ARFIP1: variants seen among roughly 807,000 people sequenced by gnomAD.
ARFIP1 encodes the protein arfaptin-1.
ARFIP1 carries 24 observed loss-of-function variants against 42.5 expected under a neutral mutation model. The observed-to-expected ratio is 0.57, with a 90% confidence interval of 0.41 to 0.80. ARFIP1 has a LOEUF of 0.80. Ranked by LOEUF, ARFIP1 falls within the 30% of genes least tolerant of loss-of-function variation. The pLI, the probability that ARFIP1 is intolerant of heterozygous loss-of-function variation, is 0.00. For missense variants in ARFIP1, 354 were observed against 434.0 expected (o/e 0.82, Z 1.64); for synonymous variants, 141 against 153.7 (o/e 0.92, Z 0.61).
rs139316512 is a variant in ARFIP1 at position 152,818,683 on chromosome 4, G to A, written c.-9-10942G>A. Among the ~76,000 whole-genome samples, 6 of 152,254 alleles carry A rather than the reference G, an allele frequency of 3.9e-5. No individual in the cohort carries two copies. In the East Asian group the frequency reaches 1.2e-3, roughly 29 times the overall value. On this transcript the variant is annotated intron_variant, in intron 1 of 8. Transcript: ENST00000353617. The stretch of plus-strand genomic sequence containing the variant: ...CCACAGACTGGGAATGGTGTTTCTC[G>A]GAAACTGTGATTTCTGTGTCTCTGA...
At chr4:152,780,664 C>T (rs1440092848) in intron 1 of ARFIP1, among the ~76,000 whole-genome samples, 1 of 152,178 alleles carries the variant, frequency 6.6e-6, no homozygotes, top group African/African-American at 2.4e-5. Context: ...GACAGTCCCT[C>T]TGAGAGATTC....
At chr4:152,871,618 T>C (rs921259685) in intron 4 of ARFIP1, among the ~76,000 whole-genome samples, 5 of 152,094 alleles carry the variant, frequency 3.3e-5, no homozygotes, top group Non-Finnish European at 7.4e-5. Context: ...TACTGGGGGC[T>C]GATCCTAATT....
chr4:152,862,227 C>T (rs1733951462), intron 2 of ARFIP1, among the ~76,000 whole-genome samples: 1 of 152,158 alleles, frequency 6.6e-6, no homozygotes, highest in Admixed American at 6.6e-5. Context: ...AAGATGAACC[C>T]TTCCTAACCC....
At chr4:152,819,182 C>T (rs548992394) in intron 1 of ARFIP1, among the ~76,000 whole-genome samples, 73 of 152,260 alleles carry the variant, frequency 4.8e-4, no homozygotes, top group South Asian at 1.0e-3. Flanking sequence ...GTTGCAAGTG[C>T]TACCTCCTGG....
chr4:152,890,422 A>G (rs1736748159), intron 8 of ARFIP1, among the ~76,000 whole-genome samples: 1 of 152,208 alleles, frequency 6.6e-6, no homozygotes, highest in East Asian at 1.9e-4. Context: ...AAGAATTTTT[A>G]AAGTTGAGAG....
chr4:152,798,475 T>C (rs10018639), intron 1 of ARFIP1, among the ~76,000 whole-genome samples: 146,611 of 152,312 alleles, frequency 0.96, 70,614 homozygotes, highest in Non-Finnish European at 0.98. Flanking sequence ...CACTCCATCT[T>C]AGTGGTATGG....
chr4:152,788,130 G>A (rs988181219), intron 1 of ARFIP1, among the ~76,000 whole-genome samples: 1 of 152,188 alleles, frequency 6.6e-6, no homozygotes, highest in Non-Finnish European at 1.5e-5. Context: ...CTACTTGGGA[G>A]GTTGAGGTGG....
chr4:152,888,437 G>A, intron 8 of ARFIP1, 130 bp downstream of exon 8: 1 of 657,530 alleles, frequency 1.5e-6, no homozygotes, highest in Non-Finnish European at 2.4e-6. Context: ...TGTAATCAGT[G>A]TTTGAGTTTT....
At chr4:152,815,785 C>T (rs1379113244) in intron 1 of ARFIP1, among the ~76,000 whole-genome samples, 2 of 147,144 alleles carry the variant, frequency 1.4e-5, no homozygotes, top group Admixed American at 6.8e-5. Context: ...CGCTCTGTCG[C>T]CCAGGCTGGA....
intron 5 of ARFIP1, among the ~76,000 whole-genome samples, chr4:152,878,829 T>C (rs776232881): frequency 6.6e-6 from 1 of 152,226 alleles, no homozygotes; most frequent in Non-Finnish European, 1.5e-5. Context: ...TCTGACTTAA[T>C]GGATTATTAT....
At chr4:152,883,319 A>G (rs1735996835) in intron 7 of ARFIP1, 1 of 160,624 alleles carries the variant, frequency 6.2e-6, no homozygotes, top group Non-Finnish European at 1.3e-5. Flanking sequence ...TCTACCAGGT[A>G]GGTATTACAT....
intron 2 of ARFIP1, chr4:152,850,557 C>A (rs1425007237): frequency 2.0e-5 from 3 of 152,202 alleles, no homozygotes; most frequent in Admixed American, 6.5e-5. Flanking sequence ...CAGTTCTCTA[C>A]AACAGTTCCT....
At chr4:152,795,738 A>C (rs1216546381) in intron 1 of ARFIP1, among the ~76,000 whole-genome samples, 1 of 148,888 alleles carries the variant, frequency 6.7e-6, no homozygotes, top group Non-Finnish European at 1.5e-5. Flanking sequence ...AATAGATGAG[A>C]AATGGTATTT....
chr4:152,871,272 AC>A (rs149071273), intron 4 of ARFIP1, among the ~76,000 whole-genome samples: 2,284 of 152,294 alleles, frequency 0.015, 54 homozygotes, highest in African/African-American at 0.051. Flanking sequence ...TTGTCTTCTT[AC>A]TTTTAGCTTT....
chr4:152,824,827 ATGAAT>A (rs535409627), intron 1 of ARFIP1, among the ~76,000 whole-genome samples: 17 of 152,302 alleles, frequency 1.1e-4, no homozygotes, highest in South Asian at 4.1e-4. Context: ...AATCAGATAA[ATGAAT>A]TGAATAAAGT....
chr4:152,821,332 A>G (rs1407441647), intron 1 of ARFIP1, among the ~76,000 whole-genome samples: 1 of 152,204 alleles, frequency 6.6e-6, no homozygotes, highest in Non-Finnish European at 1.5e-5. Context: ...AGACATATTT[A>G]GGGAACTACA....
Position 152,789,080 on chromosome 4 carries a change from CTTTTTTTTTTT to C in ARFIP1, c.-10+8872_-10+8882del, listed in dbSNP as rs71598215. The stretch of plus-strand genomic sequence containing the variant: ...CATCACATCATATCAAGAATACAGA[CTTTTTTTTTTT>C]TTTTTTTTTTTTTTTTTGAGGTAGA... On this transcript the variant is annotated intron_variant, in intron 1 of 8. Coordinates refer to ENST00000353617, the MANE Select transcript of ARFIP1 (RefSeq NM_001025595.3). 2.0e-3 allele frequency among the ~76,000 whole-genome samples: 141 copies of C among 71,858 alleles called. 2 individuals carry two copies. The highest frequency in any genetic ancestry group is 4.7e-3 in the African/African-American group (75 of 15,872). The allele number at this position is 71,858 out of a possible 152,430, so 47.1% of individuals were successfully genotyped here.
At chr4:152,897,865 T>G (rs1737475852) in intron 8 of ARFIP1, among the ~76,000 whole-genome samples, 1 of 152,226 alleles carries the variant, frequency 6.6e-6, no homozygotes, top group Non-Finnish European at 1.5e-5. Flanking sequence ...CTATACTTTT[T>G]TAGTTCTTAG....
At chr4:152,849,328 G>A (rs1732801587) in intron 2 of ARFIP1, among the ~76,000 whole-genome samples, 1 of 151,904 alleles carries the variant, frequency 6.6e-6, no homozygotes, top group Admixed American at 6.6e-5. Flanking sequence ...ATAATGAAAG[G>A]TTGAAGGCTT....
Sources: allele counts gnomAD v4.1 joint callset (sites outside exome capture counted in the v4.1 genomes callset), GRCh38; gene constraint gnomAD v4.1.1; transcripts MANE v1.5; gene names NCBI Gene and HGNC (gene_info 2026-07-23, HGNC 2026-07-21).